The following CLIC1 variants were observed in gnomAD, a reference collection of about 807,000 sequenced individuals.
CLIC1 encodes chloride intracellular channel protein 1.
In CLIC1, 16 loss-of-function variants were observed where a neutral mutation model predicts 26.4. The ratio of observed to expected loss-of-function variants is 0.61; its 90% CI spans 0.41 to 0.92. The LOEUF is 0.92. Ranked by LOEUF, CLIC1 falls within the 40% of genes least tolerant of loss-of-function variation. The pLI, the probability that CLIC1 is intolerant of heterozygous loss-of-function variation, is 0.00. For synonymous variants in CLIC1, 98 were observed against 120.8 expected, an observed-to-expected ratio of 0.81 and a Z score of 1.24; for missense variants, 225 against 289.7, an observed-to-expected ratio of 0.78 and a Z score of 1.62.
At chr6:31,736,593 C>T (rs1808350718), upstream of CLIC1, 2 of 1,309,702 alleles carry the variant, frequency 1.5e-6, no homozygotes, top group Non-Finnish European at 1.9e-6. This position sits in a 1 kb window ranked among gnomAD's most constrained non-coding sequence, Gnocchi z 5.0. Context: ...GGGGGCGGGA[C>T]TCGACGATGT....
In CLIC1 at chr6:31,733,455, C is replaced by G. The variant is rs1025391188; in HGVS notation, c.382+111G>C. 34 of 743,064 alleles carry G rather than the reference C, an allele frequency of 4.6e-5. No homozygotes were observed. In the African/African-American group the frequency reaches 5.4e-4, roughly 12 times the overall value. The allele number at this position is 743,064 out of a possible 1,614,324, so 46.0% of individuals were successfully genotyped here. ...TGGGAAGCTGGGGGAAATTTACGAA[C>G]ATCTGCTTCATCTCCCTGATATCTG... On this transcript the variant is annotated intron_variant, in intron 4 of 5. Transcript: ENST00000375784. The surrounding 1 kb of genome is among the most constrained non-coding windows in gnomAD (Gnocchi z 5.4).
In CLIC1 at chr6:31,733,937, C is replaced by T. The variant is rs776032555; in HGVS notation, c.174G>A (p.Leu58=). 5 of 1,613,802 alleles carry T rather than the reference C, an allele frequency of 3.1e-6. No individual in the cohort carries two copies. Residue 58 remains leucine (L), a synonymous_variant, in exon 3 of 6, where the codon CTG becomes CTA. Transcript: ENST00000375784. This position sits in a 1 kb window ranked among gnomAD's most constrained non-coding sequence, Gnocchi z 5.4. ...GGAATGGGAGCTGCCCCCCTGGGCACAGCTTCTGCACTGTCTCGGTCCGCC... is the reference window on the plus strand; with the variant it reads ...GGAATGGGAGCTGCCCCCCTGGGCATAGCTTCTGCACTGTCTCGGTCCGCC...
In CLIC1 at chr6:31,730,863, T is replaced by C. The variant is rs1158334451; in HGVS notation, c.705A>G (p.Gln235=). ...GGGCTTATTTGAGGGCCTTTGCCAC[T>C]TGCTCATAGGCGAGCTCGATCTCCT... The change falls in exon 6 of 6, where the codon CAA becomes CAG. Residue 235 remains glutamine, a synonymous_variant. Coordinates refer to ENST00000375784, the Ensembl canonical transcript of CLIC1. The surrounding 1 kb of genome is among the most constrained non-coding windows in gnomAD (Gnocchi z 5.1). The C allele has an allele frequency of 1.9e-6, 3 of 1,613,082 alleles. No individual in the cohort carries two copies. Among genetic ancestry groups the C allele is most frequent in the Middle Eastern group, 1.6e-4 (1 of 6,062 alleles).
At position 31,733,160 on chromosome 6, in the gene CLIC1, T is replaced by G. The variant is rs1338540612; in HGVS notation, c.382+406A>C. Among the ~76,000 whole-genome samples, 1 of 151,870 alleles carries G rather than the reference T, an allele frequency of 6.6e-6. No individual in the cohort carries two copies. The highest frequency in any genetic ancestry group is 1.9e-4 in the East Asian group (1 of 5,158). On this transcript the variant is annotated intron_variant, in intron 4 of 5. Coordinates refer to ENST00000375784, the Ensembl canonical transcript of CLIC1. This position sits in a 1 kb window ranked among gnomAD's most constrained non-coding sequence, Gnocchi z 5.4. ...AAAAAATTTATATCAACCCATGAAA[T>G]AGGTATTGTCATCCTAATTTTGTGG...
At chr6:31,735,986 C>A (rs1407942810) in intron 1 of CLIC1, among the ~76,000 whole-genome samples, 1 of 152,180 alleles carries the variant, frequency 6.6e-6, no homozygotes, top group Middle Eastern at 3.2e-3. Flanking sequence ...ACCCCAGTCT[C>A]ACTTTTGGGA....
At chr6:31,735,365 T>TA (rs1357239422) in intron 1 of CLIC1, among the ~76,000 whole-genome samples, 3 of 148,670 alleles carry the variant, frequency 2.0e-5, no homozygotes, top group Non-Finnish European at 3.0e-5. Context: ...GCAGCAGCGG[T>TA]AGGGAGGGGA....
intron 1 of CLIC1, among the ~76,000 whole-genome samples, chr6:31,735,807 C>CACACACACA (rs1808288581): frequency 1.6e-5 from 2 of 124,980 alleles, no homozygotes; most frequent in African/African-American, 6.1e-5. Context: ...GCGTCTCCAT[C>CACACACACA]CACACACACA....
At chr6:31,736,884 A>G (rs929282603), upstream of CLIC1, 6 of 985,604 alleles carry the variant, frequency 6.1e-6, no homozygotes, top group South Asian at 4.7e-5. This position sits in a 1 kb window ranked among gnomAD's most constrained non-coding sequence, Gnocchi z 5.0. Flanking sequence ...CCAGACTCCA[A>G]TCCAAATTCT....
At chr6:31,736,882 C>T (rs545037799), upstream of CLIC1, 1 of 985,802 alleles carries the variant, frequency 1.0e-6, no homozygotes, top group South Asian at 4.7e-5. This position sits in a 1 kb window ranked among gnomAD's most constrained non-coding sequence, Gnocchi z 5.0. Flanking sequence ...TTCCAGACTC[C>T]AATCCAAATT....
At position 31,731,019 on chromosome 6, in the gene CLIC1, G is replaced by A. The variant is rs1043240692; in HGVS notation, c.565-16C>T. The A allele has an allele frequency of 6.2e-7, 1 of 1,610,764 alleles. No homozygotes were observed. Among genetic ancestry groups the A allele is most frequent in the African/African-American group, 1.3e-5 (1 of 74,896 alleles). ...TACACACCACCTGAGGATGGGGAGA[G>A]GAGAGGGACCAACATGTTAGACCCA... On this transcript the variant is annotated splice_polypyrimidine_tract_variant and intron_variant, in intron 5 of 5. Transcript: ENST00000375784.
chr6:31,732,172 G>C lies in CLIC1; in HGVS notation c.564+45C>G. ...GAAGCCCATGTGGGAGCTCCTTAAAGGGCCACTCCAGTGGTCATCCTCTCC... is the reference window on the plus strand; with the variant it reads ...GAAGCCCATGTGGGAGCTCCTTAAACGGCCACTCCAGTGGTCATCCTCTCC... On this transcript the variant is annotated intron_variant, in intron 5 of 5. Transcript: ENST00000375784. This position sits in a 1 kb window ranked among gnomAD's most constrained non-coding sequence, Gnocchi z 5.0. The C allele has an allele frequency of 7.3e-7, 1 of 1,363,004 alleles. No individual in the cohort carries two copies. The highest frequency in any genetic ancestry group is 2.0e-5 in the South Asian group (1 of 49,964). The allele number at this position is 1,363,004 out of a possible 1,614,324, so 84.4% of individuals were successfully genotyped here.
In CLIC1 at chr6:31,734,365, C is replaced by T; in HGVS notation, c.40-102G>A. Reference sequence around the variant, plus strand: ...CCAGACCAGCTGTTTTCTGCCTAGTCATGACACATACACTGTCCCCTCACT... The same window carrying T: ...CCAGACCAGCTGTTTTCTGCCTAGTTATGACACATACACTGTCCCCTCACT... On this transcript the variant is annotated intron_variant, in intron 1 of 5. Transcript: ENST00000375784. The surrounding 1 kb of genome is among the most constrained non-coding windows in gnomAD (Gnocchi z 5.3). The T allele has an allele frequency of 2.4e-6, 2 of 846,028 alleles. No individual in the cohort carries two copies. Among genetic ancestry groups the T allele is most frequent in the South Asian group, 1.5e-5 (1 of 66,784 alleles). 52.4% of individuals were successfully genotyped at this position (846,028 alleles called of 1,614,324 possible). A position where few individuals can be genotyped will look rare whatever the true frequency, so the allele number is the denominator to read the frequency against.
In CLIC1 at chr6:31,730,725, G is replaced by A; in HGVS notation, c.*117C>T. ...TCCACCACACCATCCCGGAACAAGTGCTCCAGGATTCCCTGCCCACTGGCC... is the reference window on the plus strand; with the variant it reads ...TCCACCACACCATCCCGGAACAAGTACTCCAGGATTCCCTGCCCACTGGCC... On this transcript the variant is annotated 3_prime_UTR_variant, in exon 6 of 6. Transcript: ENST00000375784. The surrounding 1 kb of genome is among the most constrained non-coding windows in gnomAD (Gnocchi z 5.1). 1 of 1,078,318 alleles carries A rather than the reference G, an allele frequency of 9.3e-7. No individual in the cohort carries two copies. The highest frequency in any genetic ancestry group is 1.4e-6 in the Non-Finnish European group (1 of 730,186). 66.8% of individuals were successfully genotyped at this position (1,078,318 alleles called of 1,614,324 possible).
chr6:31,735,979 C>G (rs1808306998), intron 1 of CLIC1, among the ~76,000 whole-genome samples: 1 of 152,170 alleles, frequency 6.6e-6, no homozygotes, highest in Non-Finnish European at 1.5e-5. Flanking sequence ...TAACCCCACC[C>G]CAGTCTCACT....
chr6:31,736,191 A>G lies in CLIC1; in HGVS notation c.39+71T>C. 6.5e-7 allele frequency: 1 copy of G among 1,534,456 alleles called. No individual in the cohort carries two copies. The highest frequency in any genetic ancestry group is 9.0e-7 in the Non-Finnish European group (1 of 1,108,952). ...AAGGAGGGAAGGGATTGGGGAGTTAAGGCTGGACCGGGGGAAAGGTGAGAG... is the reference window on the plus strand; with the variant it reads ...AAGGAGGGAAGGGATTGGGGAGTTAGGGCTGGACCGGGGGAAAGGTGAGAG... On this transcript the variant is annotated intron_variant, in intron 1 of 5. Transcript: ENST00000375784. This position sits in a 1 kb window ranked among gnomAD's most constrained non-coding sequence, Gnocchi z 5.0.
Position 31,733,567 on chromosome 6 carries a change from G to A in CLIC1, c.381C>T (p.Asp127=), listed in dbSNP as rs2151317685. The A allele has an allele frequency of 6.2e-7, 1 of 1,611,732 alleles. No individual in the cohort carries two copies. Among genetic ancestry groups the A allele is most frequent in the Non-Finnish European group, 8.5e-7 (1 of 1,179,026 alleles). ...AGGCCTCTGACCCACAAGACTCACT[G>A]TCATTGAGTGCTGGGTTTGAATTCT... Residue 127 remains aspartate (D), a splice_region_variant and synonymous_variant, in exon 4 of 6, where the codon GAC becomes GAT. Coordinates refer to ENST00000375784, the Ensembl canonical transcript of CLIC1. This position sits in a 1 kb window ranked among gnomAD's most constrained non-coding sequence, Gnocchi z 5.4.
rs956256243 is a variant in CLIC1, at chr6:31,732,268, G to A, written c.513C>T (p.Asn171=). The stretch of plus-strand genomic sequence containing the variant: ...GGTTGCAGTCAGCCAGGGTGAGCTC[G>A]TTGCCATCCAAAAACTTCCTCTGAG... The change falls in exon 5 of 6, where the codon AAC becomes AAT. Residue 171 remains asparagine, a synonymous_variant. Coordinates refer to ENST00000375784, the Ensembl canonical transcript of CLIC1. This position sits in a 1 kb window ranked among gnomAD's most constrained non-coding sequence, Gnocchi z 5.0. 7.5e-6 allele frequency: 12 copies of A among 1,595,836 alleles called. No homozygotes were observed. The highest frequency in any genetic ancestry group is 3.4e-5 in the South Asian group (3 of 87,526).
At position 31,736,205 on chromosome 6, in the gene CLIC1, G is replaced by C; in HGVS notation, c.39+57C>G. Reference sequence around the variant, plus strand: ...TTGGGGAGTTAAGGCTGGACCGGGGGAAAGGTGAGAGTTGGCTTCCAGGAA... The same window carrying C: ...TTGGGGAGTTAAGGCTGGACCGGGGCAAAGGTGAGAGTTGGCTTCCAGGAA... On this transcript the variant is annotated intron_variant, in intron 1 of 5. Coordinates refer to ENST00000375784, the Ensembl canonical transcript of CLIC1. The surrounding 1 kb of genome is among the most constrained non-coding windows in gnomAD (Gnocchi z 5.0). 1 of 1,577,754 alleles carries C rather than the reference G, an allele frequency of 6.3e-7. No individual in the cohort carries two copies. Among genetic ancestry groups the C allele is most frequent in the Non-Finnish European group, 8.7e-7 (1 of 1,147,980 alleles).
chr6:31,733,751 A>G lies in CLIC1; in HGVS notation c.276-79T>C. The G allele has an allele frequency of 6.2e-7, 1 of 1,603,962 alleles. No individual in the cohort carries two copies. ...CTAGCTCTCCTGCCCCAGCCCCACC[A>G]CCATCTCTGTTTTCCATTTCTGCAA... On this transcript the variant is annotated intron_variant, in intron 3 of 5. Coordinates refer to ENST00000375784, the Ensembl canonical transcript of CLIC1. This position sits in a 1 kb window ranked among gnomAD's most constrained non-coding sequence, Gnocchi z 5.4.
Sources: gnomAD v4.1 joint callset for allele counts (sites outside exome capture counted in the v4.1 genomes callset) on GRCh38, gnomAD v4.1.1 for gene constraint, Gnocchi (gnomAD v3.1) non-coding constraint, MANE v1.5 for transcripts, NCBI Gene and HGNC (gene_info 2026-07-23, HGNC 2026-07-21) for gene names.